DNTT: variants seen among roughly 807,000 people sequenced by gnomAD.
DNTT encodes DNA nucleotidylexotransferase, also known as nucleosidetriphosphate:DNA deoxynucleotidylexotransferase.
Under a neutral mutation model 60.9 loss-of-function variants are expected in DNTT, and 47 were observed. The observed-to-expected ratio is 0.77, with a 90% CI of 0.61 to 0.98. The LOEUF (loss-of-function observed/expected upper bound fraction) is 0.98, where lower values mean the gene tolerates loss of function less well. DNTT is among the 50% of genes least tolerant of loss of function. The pLI is 0.00. For missense variants in DNTT, 665 were observed against 627.5 expected (o/e 1.06, Z -0.64); for synonymous variants, 224 against 221.2 (o/e 1.01, Z -0.11).
rs141822346 is a variant in DNTT, at chr10:96,324,277, T to C, written c.762T>C (p.Ser254=). 1.4e-5 allele frequency: 23 copies of C among 1,613,462 alleles called. No individual in the cohort carries two copies. The highest frequency in any genetic ancestry group is 3.3e-4 in the Middle Eastern group (2 of 6,052). Residue 254 remains serine (S), a synonymous_variant, in exon 6 of 11, where the codon TCT becomes TCC. Transcript: ENST00000371174. ...TCCCTCCATTTTAGCTCTTTACTTC[T>C]GTATTTGGAGTGGGGCTGAAGACTT... The part of the protein sequence containing the change: ...ERYQSFKLFT[S]VFGVGLKTSE...
chr10:96,337,299 C>T (rs1845084095), intron 10 of DNTT, among the ~76,000 whole-genome samples: 1 of 152,122 alleles, frequency 6.6e-6, no homozygotes, highest in African/African-American at 2.4e-5. Flanking sequence ...GAACCCATTA[C>T]TGTGGCTCTG....
chr10:96,327,733 C>T, intron 7 of DNTT, 133 bp downstream of exon 7: 1 of 1,404,264 alleles, frequency 7.1e-7, no homozygotes. Flanking sequence ...TCTCCTGCCT[C>T]TCACATTTCA....
chr10:96,336,940 G>GAAAAAA (rs71034371), intron 10 of DNTT, among the ~76,000 whole-genome samples: 4 of 129,948 alleles, frequency 3.1e-5, no homozygotes, highest in African/African-American at 5.6e-5. Flanking sequence ...TCTGTGTCAG[G>GAAAAAA]AAAAAAAAAA....
intron 1 of DNTT, among the ~76,000 whole-genome samples, chr10:96,314,506 A>T (rs1416462267): frequency 7.2e-6 from 1 of 139,782 alleles, no homozygotes; most frequent in Non-Finnish European, 1.5e-5. Flanking sequence ...TCCGCCTCCC[A>T]GGTTCAAGTG....
intron 1 of DNTT, among the ~76,000 whole-genome samples, chr10:96,316,779 T>A (rs553472091): frequency 8.5e-5 from 13 of 152,310 alleles, no homozygotes; most frequent in African/African-American, 3.1e-4. Flanking sequence ...ATGGCAGATC[T>A]TCATGCCTCA....
Position 96,318,527 on chromosome 10 carries a change from G to C in DNTT, c.378+1G>C. The C allele has an allele frequency of 1.2e-6, 2 of 1,612,958 alleles. No individual in the cohort carries two copies. Among genetic ancestry groups the C allele is most frequent in the Non-Finnish European group, 1.7e-6 (2 of 1,179,356 alleles). On this transcript the variant is annotated splice_donor_variant, in intron 2 of 10. Coordinates refer to ENST00000371174, the MANE Select transcript of DNTT (RefSeq NM_004088.4). LOFTEE classifies it high-confidence loss of function. ...AATGACAGGAAAACACCAGCTTGTT[G>C]TAAGTGTCATGGGTGTGATTTTCAC...
At chr10:96,333,470 C>A (rs1373489886) in intron 9 of DNTT, among the ~76,000 whole-genome samples, 1 of 152,118 alleles carries the variant, frequency 6.6e-6, no homozygotes, top group African/African-American at 2.4e-5. Context: ...GGGTATATAG[C>A]CAAAGGAAAT....
At chr10:96,327,622 G>T in intron 7 of DNTT, 22 bp downstream of exon 7, 1 of 1,602,096 alleles carries the variant, frequency 6.2e-7, no homozygotes, top group South Asian at 1.1e-5. Context: ...GGGTGGCTTT[G>T]CCTCCTCTGC....
chr10:96,317,333 G>A (rs1844798182), intron 1 of DNTT, among the ~76,000 whole-genome samples: 1 of 152,216 alleles, frequency 6.6e-6, no homozygotes, highest in African/African-American at 2.4e-5. Flanking sequence ...AGCTAAATGA[G>A]ATGATGTAGG....
At chr10:96,329,923 G>T (rs1025969795) in intron 8 of DNTT, among the ~76,000 whole-genome samples, 1 of 152,156 alleles carries the variant, frequency 6.6e-6, no homozygotes, top group Non-Finnish European at 1.5e-5. Flanking sequence ...AGAACTGGCC[G>T]CTCTGTACCC....
intron 6 of DNTT, among the ~76,000 whole-genome samples, chr10:96,326,583 T>A (rs1844941431): frequency 6.6e-6 from 1 of 152,178 alleles, no homozygotes. Flanking sequence ...ACTCTTGTCA[T>A]TTCAGAGGGC....
chr10:96,327,625 T>C (rs1844953502), intron 7 of DNTT, 25 bp downstream of exon 7: 1 of 1,599,878 alleles, frequency 6.3e-7, no homozygotes. Flanking sequence ...TGGCTTTGCC[T>C]CCTCTGCCCG....
chr10:96,320,931 C>A, intron 4 of DNTT, 143 bp downstream of exon 4: 2 of 760,778 alleles, frequency 2.6e-6, no homozygotes, highest in East Asian at 2.9e-5. Context: ...TCCTCTCTCT[C>A]TCCTCTGTCT....
At chr10:96,327,302 A>C (rs1844947340) in intron 6 of DNTT, among the ~76,000 whole-genome samples, 166 bp from the exon 7 acceptor site, 1 of 152,146 alleles carries the variant, frequency 6.6e-6, no homozygotes, top group South Asian at 2.1e-4. Flanking sequence ...AAAAATTCAC[A>C]ACCAGGAGAA....
At position 96,314,368 on chromosome 10, in the gene DNTT, T is replaced by C. The variant is rs188564522; in HGVS notation, c.204-3984T>C. Among the ~76,000 whole-genome samples, 365 of 144,456 alleles carry C rather than the reference T, an allele frequency of 2.5e-3. 2 individuals are homozygous for C. The highest frequency in any genetic ancestry group is 4.0e-3 in the Admixed American group (56 of 14,054). 94.8% of individuals were successfully genotyped at this position (144,456 alleles called of 152,430 possible). On this transcript the variant is annotated intron_variant, in intron 1 of 10. Coordinates refer to ENST00000371174, the MANE Select transcript of DNTT (RefSeq NM_004088.4). Reference sequence around the variant, plus strand: ...CTCCACCTACTAATTATTCGCTGGGTGAAATTTTTAACATTTCCAAGGCTA... The same window carrying C: ...CTCCACCTACTAATTATTCGCTGGGCGAAATTTTTAACATTTCCAAGGCTA...
Position 96,318,372 on chromosome 10 carries a change from T to A in DNTT, c.224T>A (p.Val75Glu). The change falls in exon 2 of 11, where the codon GTA becomes GAA. Residue 75 changes from valine to glutamate, a missense_variant. Coordinates refer to ENST00000371174, the MANE Select transcript of DNTT (RefSeq NM_004088.4). ...NELSDSVTHI[V>E]AENNSGSDVL... ...TGCAGTGATTCTGTCACCCACATCG[T>A]AGCAGAGAACAACTCGGGTTCGGAT... is the stretch of plus-strand genomic sequence containing the variant. 6.2e-7 allele frequency: 1 copy of A among 1,613,334 alleles called. No individual in the cohort carries two copies. Among genetic ancestry groups the A allele is most frequent in the Non-Finnish European group, 8.5e-7 (1 of 1,179,582 alleles).
rs12252547 is a variant in DNTT at position 96,309,477 on chromosome 10, A to G, written c.203+4777A>G. Among the ~76,000 whole-genome samples the G allele has an allele frequency of 8.9e-3, 1,349 of 152,276 alleles. 22 individuals are homozygous for G. The highest frequency in any genetic ancestry group is 0.024 in the Middle Eastern group (7 of 294). On this transcript the variant is annotated intron_variant, in intron 1 of 10. Transcript: ENST00000371174. ...AACAAGTTTTCTTTAAAAAAAAAAA[A>G]AAGTTAGCATTTGCCTGCTCATTTT... is the stretch of plus-strand genomic sequence containing the variant.
At chr10:96,318,778 T>C (rs1479703861) in intron 2 of DNTT, among the ~76,000 whole-genome samples, 2 of 152,234 alleles carry the variant, frequency 1.3e-5, no homozygotes, top group Non-Finnish European at 2.9e-5. Flanking sequence ...GTGTTGACTA[T>C]AGCAGGCATC....
rs751654670 is a variant in DNTT, at chr10:96,328,871, A to G, written c.1113+41A>G. 5.1e-6 allele frequency: 8 copies of G among 1,577,588 alleles called. No individual in the cohort carries two copies. The South Asian group carries it at 9.2e-5, about 18-fold the overall frequency. ...AAAAATACATGCACACGCAAACATTATGTTAACACTTGAATTTTGCACATT... is the reference window on the plus strand; with the variant it reads ...AAAAATACATGCACACGCAAACATTGTGTTAACACTTGAATTTTGCACATT... On this transcript the variant is annotated intron_variant, in intron 8 of 10. Coordinates refer to ENST00000371174, the MANE Select transcript of DNTT (RefSeq NM_004088.4).
Sources: allele counts gnomAD v4.1 joint callset (sites outside exome capture counted in the v4.1 genomes callset), GRCh38; gene constraint gnomAD v4.1.1; transcripts MANE v1.5; gene names NCBI Gene and HGNC (gene_info 2026-07-23, HGNC 2026-07-21).